Variants in DLG2 observed in about 807,000 individuals in gnomAD.
DLG2 encodes the protein discs large MAGUK scaffold protein 2.
In DLG2, 45 loss-of-function variants were observed where a neutral mutation model predicts 132.5. The ratio of observed to expected loss-of-function variants is 0.34; its 90% CI spans 0.27 to 0.44. The LOEUF (loss-of-function observed/expected upper bound fraction) is 0.44. DLG2 is among the 20% of genes least tolerant of loss of function. DLG2 has a pLI of 1.00. For missense variants in DLG2, 1,045 were observed against 1,196.9 expected (o/e 0.87, Z 1.87); for synonymous variants, 424 against 419.6 (o/e 1.01, Z -0.13).
intron 6 of DLG2, among the ~76,000 whole-genome samples, chr11:84,952,466 G>GT (rs1407744425): frequency 3.9e-5 from 6 of 151,986 alleles, no homozygotes; most frequent in African/African-American, 1.4e-4. Context: ...GCAGTGAGCG[G>GT]AGATCGCGCC....
chr11:83,988,580 A>T (rs1040096584), intron 11 of DLG2, among the ~76,000 whole-genome samples: 10 of 152,136 alleles, frequency 6.6e-5, no homozygotes, highest in Non-Finnish European at 1.5e-4. Flanking sequence ...GTGATCTCTG[A>T]TTTCCTTGAG....
intron 4 of DLG2, among the ~76,000 whole-genome samples, chr11:85,191,148 GCGCGCGCACGCGCGCACA>G (rs2080505321): frequency 7.8e-6 from 1 of 128,906 alleles, no homozygotes; most frequent in Admixed American, 8.0e-5. Context: ...ATGCATGCGC[GCGCGCGCACGCGCGCACA>G]CACACACACA....
At chr11:83,563,100 A>G (rs10898136) in intron 19 of DLG2, among the ~76,000 whole-genome samples, 70,626 of 149,832 alleles carry the variant, frequency 0.47, 17,009 homozygotes, top group Admixed American at 0.57. Flanking sequence ...TCAGCCTCCC[A>G]AGTAGCTGGG....
At chr11:83,649,047 G>C (rs1349709337) in intron 18 of DLG2, among the ~76,000 whole-genome samples, 1 of 152,048 alleles carries the variant, frequency 6.6e-6, no homozygotes, top group African/African-American at 2.4e-5. Context: ...TGGTCTCGTG[G>C]GTCTGGTAAA....
intron 6 of DLG2, among the ~76,000 whole-genome samples, chr11:84,626,932 C>A (rs2099623804): frequency 6.7e-6 from 1 of 149,232 alleles, no homozygotes; most frequent in Admixed American, 6.9e-5. Context: ...AGTGCAGAGG[C>A]ACAATCTCAG....
At chr11:84,667,233 C>T (rs2099700601) in intron 6 of DLG2, among the ~76,000 whole-genome samples, 1 of 152,036 alleles carries the variant, frequency 6.6e-6, no homozygotes, top group Non-Finnish European at 1.5e-5. Context: ...TTAATAGAAA[C>T]ATTAGACCAT....
At chr11:85,447,271 A>G (rs936207113) in intron 3 of DLG2, among the ~76,000 whole-genome samples, 1 of 152,190 alleles carries the variant, frequency 6.6e-6, no homozygotes, top group South Asian at 2.1e-4. Context: ...CACATTTGTT[A>G]TGGACTGAAT....
At chr11:84,724,843 T>C (rs924694873) in intron 6 of DLG2, among the ~76,000 whole-genome samples, 5 of 152,166 alleles carry the variant, frequency 3.3e-5, no homozygotes, top group African/African-American at 9.7e-5. Context: ...ATGTTGTCCA[T>C]TGGCAGAAGA....
At chr11:84,723,341 A>G (rs1372772796) in intron 6 of DLG2, among the ~76,000 whole-genome samples, 1 of 152,208 alleles carries the variant, frequency 6.6e-6, no homozygotes, top group Non-Finnish European at 1.5e-5. Context: ...TTAGATTGAT[A>G]AAGTGAAATG....
chr11:83,532,789 G>T lies in DLG2; in HGVS notation c.2118-6C>A. 6.2e-7 allele frequency: 1 copy of T among 1,610,698 alleles called. No homozygotes were observed. ...CACGTTCCTTTCTTTCCACCCTAAA[G>T]CAAATTGAGAATAAAGAGTCTCTCA... On this transcript the variant is annotated splice_region_variant and splice_polypyrimidine_tract_variant and intron_variant, in intron 20 of 27. Coordinates refer to ENST00000376104, the MANE Select transcript of DLG2 (RefSeq NM_001142699.3).
intron 16 of DLG2, among the ~76,000 whole-genome samples, chr11:83,849,874 C>A (rs150088060): frequency 6.6e-6 from 1 of 151,990 alleles, no homozygotes; most frequent in Non-Finnish European, 1.5e-5. Context: ...CCCTTTCCCC[C>A]GGCCTTCGTG....
At position 84,934,508 on chromosome 11, in the gene DLG2, TTTTTTTGTTTTGTTTTG is replaced by T. The variant is rs1393041575; in HGVS notation, c.357+177136_357+177152del. 4.7e-4 allele frequency among the ~76,000 whole-genome samples: 37 copies of T among 78,212 alleles called. 3 individuals are homozygous for T. The highest frequency in any genetic ancestry group is 1.2e-3 in the East Asian group (1 of 858). The allele number at this position is 78,212 out of a possible 152,430, so 51.3% of individuals were successfully genotyped here. A position where few individuals can be genotyped will look rare whatever the true frequency, so the allele number is the denominator to read the frequency against. On this transcript the variant is annotated intron_variant, in intron 6 of 27. Transcript: ENST00000376104. The stretch of plus-strand genomic sequence containing the variant: ...TGAATCTGTATGGTCCTGGGTGTTT[TTTTTTTGTTTTGTTTTG>T]TTTTTTTTTTTTTTTTTTTTTGGTG...
chr11:85,531,214 G>C (rs1420292270), intron 3 of DLG2, among the ~76,000 whole-genome samples: 1 of 152,164 alleles, frequency 6.6e-6, no homozygotes, highest in Non-Finnish European at 1.5e-5. Flanking sequence ...ATTGTAAAAT[G>C]ATGAGTGTTG....
chr11:83,540,455 G>A (rs2096030967), intron 20 of DLG2, among the ~76,000 whole-genome samples: 1 of 152,144 alleles, frequency 6.6e-6, no homozygotes, highest in Non-Finnish European at 1.5e-5. Context: ...ATGGGGGAGG[G>A]AGAGGCTCCC....
At chr11:85,018,232 A>G (rs2059730178) in intron 6 of DLG2, among the ~76,000 whole-genome samples, 1 of 152,194 alleles carries the variant, frequency 6.6e-6, no homozygotes. Flanking sequence ...GCTTTCTTTT[A>G]GGGTAGGAAG....
At chr11:84,782,454 AC>A (rs2071989789) in intron 6 of DLG2, among the ~76,000 whole-genome samples, 1 of 151,620 alleles carries the variant, frequency 6.6e-6, no homozygotes, top group Non-Finnish European at 1.5e-5. Context: ...ACACACACAC[AC>A]ACACACACAC....
intron 6 of DLG2, among the ~76,000 whole-genome samples, chr11:84,988,562 G>C (rs2056754040): frequency 6.6e-6 from 1 of 152,140 alleles, no homozygotes; most frequent in African/African-American, 2.4e-5. Flanking sequence ...TGAATTAATG[G>C]CTTTCGCAGC....
At chr11:84,427,789 C>T (rs2098971858) in intron 7 of DLG2, among the ~76,000 whole-genome samples, 1 of 152,254 alleles carries the variant, frequency 6.6e-6, no homozygotes, top group East Asian at 1.9e-4. Context: ...ATCTGCACTG[C>T]TAACAAGCAC....
chr11:85,158,788 C>G (rs1403569575), intron 4 of DLG2, among the ~76,000 whole-genome samples: 1 of 143,940 alleles, frequency 6.9e-6, no homozygotes, highest in Non-Finnish European at 1.5e-5. Context: ...AGCTCTGGCA[C>G]TGGCTAATTA....
Sources: allele counts gnomAD v4.1 joint callset (sites outside exome capture counted in the v4.1 genomes callset), GRCh38; gene constraint gnomAD v4.1.1; transcripts MANE v1.5; gene names NCBI Gene and HGNC (gene_info 2026-07-23, HGNC 2026-07-21).